TAB3: variants seen among roughly 807,000 people sequenced by gnomAD.
The protein encoded by TAB3 is TGF-beta activated kinase 1 (MAP3K7) binding protein 3, also known as TGF-beta-activated kinase 1 and MAP3K7-binding protein 3.
A neutral mutation model predicts 48.1 loss-of-function variants in TAB3; 18 were observed. That is an observed-to-expected ratio of 0.37 (90% CI 0.26 to 0.55). The LOEUF (loss-of-function observed/expected upper bound fraction) is 0.55, where lower values mean the gene tolerates loss of function less well. Among genes scored for constraint, TAB3 ranks in the 20% least tolerant of loss-of-function variants. The probability of loss-of-function intolerance (pLI) is 0.78; values close to 1 mark genes in which losing one functional copy is unlikely to be tolerated. For missense variants in TAB3, 414 were observed against 549.8 expected (o/e 0.75, Z 2.47); for synonymous variants, 185 against 190.2 (o/e 0.97, Z 0.22).
At chrX:30,870,919 G>A (rs1314655795) in intron 2 of TAB3, among the ~76,000 whole-genome samples, 1 of 112,339 alleles carries the variant, frequency 8.9e-6, no homozygotes, top group Admixed American at 9.4e-5. Flanking sequence ...TTTCACACAA[G>A]AAGATAACTG....
At chrX:30,852,026 C>G (rs189709367) in intron 7 of TAB3, among the ~76,000 whole-genome samples, 3 of 112,354 alleles carry the variant, frequency 2.7e-5, no homozygotes, top group Admixed American at 9.4e-5. Flanking sequence ...TAGGTATGTA[C>G]TAAGCATCTA....
chrX:30,844,471 G>A (rs1363855494), intron 8 of TAB3: 1 of 112,335 alleles, frequency 8.9e-6, no homozygotes, highest in African/African-American at 3.2e-5. Flanking sequence ...AGCTGCATAT[G>A]TATTTCTTCA....
chrX:30,843,744 C>CCTGT (rs1340205269), intron 8 of TAB3: 4 of 111,242 alleles, frequency 3.6e-5, no homozygotes, highest in African/African-American at 9.8e-5. Flanking sequence ...AAAATTTTCA[C>CCTGT]CTGTCTGTCT....
intron 2 of TAB3, among the ~76,000 whole-genome samples, chrX:30,870,833 C>G (rs756298959): frequency 8.9e-6 from 1 of 112,043 alleles, no homozygotes; most frequent in Non-Finnish European, 1.9e-5. Flanking sequence ...CAGCCCCTGA[C>G]AACAGAAAAT....
chrX:30,847,444 T>G (rs1455589623), intron 7 of TAB3, among the ~76,000 whole-genome samples: 1 of 108,407 alleles, frequency 9.2e-6, no homozygotes, highest in Non-Finnish European at 1.9e-5. Flanking sequence ...TCAGTAAAGC[T>G]TTTTGGAAGC....
intron 7 of TAB3, among the ~76,000 whole-genome samples, chrX:30,849,911 G>GTATT (rs1317698601): frequency 1.8e-5 from 2 of 112,379 alleles, no homozygotes; most frequent in African/African-American, 6.5e-5. Context: ...AAGTTGTCTA[G>GTATT]TATTTTGCAA....
chrX:30,874,091 G>T (rs1939749786), intron 1 of TAB3, among the ~76,000 whole-genome samples: 1 of 111,538 alleles, frequency 9.0e-6, no homozygotes, highest in East Asian at 2.8e-4. Flanking sequence ...AGGATCACTT[G>T]AGCCCAGGGG....
At position 30,838,247 on chromosome X, in the gene TAB3, C is replaced by T. The variant is rs145473152; in HGVS notation, c.1889-4095G>A. Among the ~76,000 whole-genome samples, 858 of 110,796 alleles carry T rather than the reference C, an allele frequency of 7.7e-3. 12 individuals carry two copies. Among genetic ancestry groups the T allele is most frequent in the African/African-American group, 0.027 (811 of 30,381 alleles). On this transcript the variant is annotated intron_variant, in intron 9 of 10. Coordinates refer to ENST00000288422, the MANE Select transcript of TAB3 (RefSeq NM_152787.5). The stretch of plus-strand genomic sequence containing the variant: ...AGAATAGCTGGGACTATAGGTGAGG[C>T]TGCAATGAGCTATTTTTAAATTAGC...
intron 7 of TAB3, among the ~76,000 whole-genome samples, chrX:30,849,818 A>C (rs947053874): frequency 1.8e-5 from 2 of 112,214 alleles, no homozygotes; most frequent in African/African-American, 6.5e-5. Flanking sequence ...AATTTCCTAC[A>C]TAAGTATAAT....
Position 30,831,129 on chromosome X carries a change from G to A in TAB3, c.*298C>T. 1 of 227,348 alleles carries A rather than the reference G, an allele frequency of 4.4e-6. No homozygotes were observed. The highest frequency in any genetic ancestry group is 7.9e-6 in the Non-Finnish European group (1 of 127,035). 18.7% of individuals were successfully genotyped at this position (227,348 alleles called of 1,213,427 possible). ...CACTCAGCAGTAACTTTAACAATTG[G>A]GATTCCACCACAGAAGAGCTCTTGA... is the stretch of plus-strand genomic sequence containing the variant. On this transcript the variant is annotated 3_prime_UTR_variant, in exon 11 of 11. Transcript: ENST00000288422.
intron 1 of TAB3, among the ~76,000 whole-genome samples, chrX:30,882,914 G>T (rs1017567144): frequency 4.5e-5 from 5 of 111,735 alleles, no homozygotes; most frequent in Admixed American, 1.9e-4. Context: ...CAACTTCATT[G>T]TAAGTCTAAA....
At position 30,855,205 on chromosome X, in the gene TAB3, AAGG is replaced by A. The variant is rs762146906; in HGVS notation, c.457_459del (p.Pro153del). On this transcript the variant is annotated inframe_deletion, in exon 6 of 11. Transcript: ENST00000288422. ...GAAGATGGCTGTTGAGGTGGTTGTGAAGGAGGAGTAGCTGCACTTCTGTTCTGT... is the reference window on the plus strand; with the variant it reads ...GAAGATGGCTGTTGAGGTGGTTGTGAAGGAGTAGCTGCACTTCTGTTCTGT... The A allele has an allele frequency of 1.9e-5, 23 of 1,209,861 alleles. No homozygotes were observed. Among genetic ancestry groups the A allele is most frequent in the Non-Finnish European group, 2.5e-5 (22 of 895,196 alleles).
intron 10 of TAB3, 128 bp downstream of exon 10, chrX:30,833,923 G>A: frequency 1.9e-6 from 1 of 533,287 alleles, no homozygotes; most frequent in Non-Finnish European, 3.1e-6. Flanking sequence ...CTACTGGACA[G>A]CACAGCCTTA....
In TAB3 at chrX:30,854,453, C is replaced by G; in HGVS notation, c.1212G>C (p.Thr404=). 6 of 1,211,113 alleles carry G rather than the reference C, an allele frequency of 5.0e-6. No individual in the cohort carries two copies. The highest frequency in any genetic ancestry group is 6.7e-6 in the Non-Finnish European group (6 of 895,215). The stretch of plus-strand genomic sequence containing the variant: ...CTCTTGAAGGAGAACTTGAAGGTGG[C>G]GTGGTGGCTGTGTACAGTGAGTGTT... ...RNQHSLYTAT[T]PPSSSPSRGI... Residue 404 remains threonine, a synonymous_variant, in exon 6 of 11, where the codon ACG becomes ACC. Transcript: ENST00000288422.
At position 30,828,959 on chromosome X, in the gene TAB3, T is replaced by G. The variant is rs781729140; in HGVS notation, c.*2468A>C. The G allele has an allele frequency of 7.1e-5, 8 of 112,374 alleles. No individual in the cohort carries two copies. The South Asian group carries it at 2.9e-3, about 41-fold the overall frequency. The allele number at this position is 112,374 out of a possible 1,213,427, so 9.3% of individuals were successfully genotyped here. On this transcript the variant is annotated 3_prime_UTR_variant, in exon 11 of 11. Transcript: ENST00000288422. Reference sequence around the variant, plus strand: ...GTTAAACATACCAGATTTATCAGTGTCAAGTCATTTTGCCTATTTTAAAAC... The same window carrying G: ...GTTAAACATACCAGATTTATCAGTGGCAAGTCATTTTGCCTATTTTAAAAC...
intron 4 of TAB3, among the ~76,000 whole-genome samples, chrX:30,862,536 G>C (rs1216821902): frequency 9.0e-6 from 1 of 111,699 alleles, no homozygotes; most frequent in East Asian, 2.8e-4. Context: ...ATACTTCAGA[G>C]ATCTTGAGAG....
chrX:30,843,360 A>C (rs1938515139), intron 8 of TAB3: 1 of 145,459 alleles, frequency 6.9e-6, no homozygotes, highest in Admixed American at 8.4e-5. Context: ...TAAATGAAGA[A>C]GAGAAATGAA....
At chrX:30,835,041 G>A (rs1241556830) in intron 9 of TAB3, 1 of 123,104 alleles carries the variant, frequency 8.1e-6, no homozygotes, top group East Asian at 2.8e-4. Context: ...TTACCTATGT[G>A]TGCAGAAGCC....
intron 4 of TAB3, 57 bp from the exon 5 acceptor site, chrX:30,859,735 C>G (rs1939196823): frequency 2.2e-6 from 1 of 456,728 alleles, no homozygotes. Flanking sequence ...TTACTTTATT[C>G]CTATTGATCC....
Sources: gnomAD v4.1 joint callset for allele counts (sites outside exome capture counted in the v4.1 genomes callset) on GRCh38, gnomAD v4.1.1 for gene constraint, MANE v1.5 for transcripts, NCBI Gene and HGNC (gene_info 2026-07-23, HGNC 2026-07-21) for gene names.